The following ITSN1 variants were observed in gnomAD, a reference collection of about 807,000 sequenced individuals.
The protein encoded by ITSN1 is intersectin 1.
In ITSN1, 58 loss-of-function variants were observed where a neutral mutation model predicts 239.8. The ratio of observed to expected loss-of-function variants is 0.24; its 90% CI spans 0.20 to 0.30. ITSN1 has a LOEUF of 0.30. Ranked by LOEUF, ITSN1 falls within the 10% of genes least tolerant of loss-of-function variation. The probability of loss-of-function intolerance (pLI) is 1.00; values close to 1 mark genes in which losing one functional copy is unlikely to be tolerated. For missense variants in ITSN1, 1,558 were observed against 2,103.3 expected, an observed-to-expected ratio of 0.74 and a Z score of 5.07; for synonymous variants, 780 against 770.8, an observed-to-expected ratio of 1.01 and a Z score of -0.20.
intron 5 of ITSN1, among the ~76,000 whole-genome samples, chr21:33,742,045 C>T (rs1371601873): frequency 6.6e-6 from 1 of 151,402 alleles, no homozygotes; most frequent in Non-Finnish European, 1.5e-5. Flanking sequence ...TTCAACAACA[C>T]TATTTTTAAA....
chr21:33,682,462 G>A (rs977655144), intron 1 of ITSN1, among the ~76,000 whole-genome samples: 2 of 150,756 alleles, frequency 1.3e-5, no homozygotes, highest in African/African-American at 2.5e-5. Flanking sequence ...TGATCCACCC[G>A]CCTCGGCCTC....
chr21:33,885,928 CGG>C (rs1985718619), intron 38 of ITSN1, among the ~76,000 whole-genome samples: 1 of 151,830 alleles, frequency 6.6e-6, no homozygotes, highest in East Asian at 1.9e-4. Context: ...GGGGAGCGGC[CGG>C]GCATGGTGGC....
chr21:33,825,229 A>G (rs1464480986), intron 25 of ITSN1, among the ~76,000 whole-genome samples: 1 of 152,206 alleles, frequency 6.6e-6, no homozygotes, highest in Non-Finnish European at 1.5e-5. Context: ...GTGGAGTTGT[A>G]AGGTACTTTC....
At chr21:33,884,755 C>T (rs1261705682) in intron 36 of ITSN1, among the ~76,000 whole-genome samples, 1 of 152,180 alleles carries the variant, frequency 6.6e-6, no homozygotes, top group African/African-American at 2.4e-5. Context: ...GAAGAGGAGT[C>T]GTGTCCCGAT....
chr21:33,875,290 C>A, intron 33 of ITSN1, 64 bp from the exon 34 acceptor site: 1 of 1,583,000 alleles, frequency 6.3e-7, no homozygotes, highest in Non-Finnish European at 8.7e-7. Flanking sequence ...TCCTGCAGGA[C>A]CCTGGATCAC....
intron 14 of ITSN1, among the ~76,000 whole-genome samples, chr21:33,780,487 TAGG>T: frequency 6.6e-6 from 1 of 152,204 alleles, no homozygotes; most frequent in Non-Finnish European, 1.5e-5. Flanking sequence ...GGATTATTCA[TAGG>T]AGAAGATGCT....
intron 24 of ITSN1, among the ~76,000 whole-genome samples, chr21:33,821,939 TG>T (rs1455280721): frequency 6.6e-6 from 1 of 152,176 alleles, no homozygotes; most frequent in Non-Finnish European, 1.5e-5. Context: ...AGTCTGTTAA[TG>T]AAGAAAGAAT....
chr21:33,775,596 T>C (rs1490360934), intron 14 of ITSN1, among the ~76,000 whole-genome samples: 1 of 152,174 alleles, frequency 6.6e-6, no homozygotes, highest in African/African-American at 2.4e-5. Flanking sequence ...TGTGGGTATC[T>C]GGCAGAGCAA....
intron 29 of ITSN1, among the ~76,000 whole-genome samples, chr21:33,839,993 A>G (rs1282856646): frequency 6.6e-6 from 1 of 152,140 alleles, no homozygotes; most frequent in Non-Finnish European, 1.5e-5. Context: ...GTCTCACCCC[A>G]CTGGCCACTG....
intron 29 of ITSN1, among the ~76,000 whole-genome samples, chr21:33,852,254 A>G (rs73352174): frequency 1.3e-5 from 2 of 152,084 alleles, no homozygotes; most frequent in African/African-American, 4.8e-5. Flanking sequence ...GGCCCCTTTC[A>G]TACAGGAACA....
intron 29 of ITSN1, among the ~76,000 whole-genome samples, chr21:33,847,740 G>A (rs968728505): frequency 2.0e-5 from 3 of 152,152 alleles, no homozygotes; most frequent in Non-Finnish European, 4.4e-5. Context: ...GACCTGCCAT[G>A]GGCTGGATTC....
intron 5 of ITSN1, among the ~76,000 whole-genome samples, chr21:33,743,502 G>T (rs960861399): frequency 2.7e-5 from 4 of 150,606 alleles, no homozygotes; most frequent in Non-Finnish European, 5.9e-5. Flanking sequence ...GATATAAAAA[G>T]AATTTGAGAA....
At chr21:33,668,550 T>C (rs1469610370) in intron 1 of ITSN1, among the ~76,000 whole-genome samples, 1 of 152,170 alleles carries the variant, frequency 6.6e-6, no homozygotes, top group African/African-American at 2.4e-5. Context: ...CGACCTTTGC[T>C]GGGGTAAAGT....
intron 28 of ITSN1, among the ~76,000 whole-genome samples, chr21:33,834,839 A>T (rs1014485212): frequency 6.6e-6 from 1 of 152,140 alleles, no homozygotes; most frequent in African/African-American, 2.4e-5. Context: ...TTGGGGGGCT[A>T]TAATGTGGTG....
intron 22 of ITSN1, chr21:33,817,280 G>A (rs1014494597): frequency 2.3e-6 from 3 of 1,304,268 alleles, no homozygotes; most frequent in South Asian, 1.2e-5. Context: ...ATGCAGCCCC[G>A]GATTGTGCTT....
chr21:33,829,787 T>G (rs898896076), intron 27 of ITSN1, 42 bp downstream of exon 27: 9 of 1,609,098 alleles, frequency 5.6e-6, no homozygotes, highest in Non-Finnish European at 6.8e-6. Context: ...CCATCCAAGT[T>G]TCAATACACA....
chr21:33,738,854 G>A (rs2066667324), intron 5 of ITSN1, among the ~76,000 whole-genome samples: 1 of 152,128 alleles, frequency 6.6e-6, no homozygotes, highest in Non-Finnish European at 1.5e-5. Context: ...GAGTGCAATG[G>A]CACGATCATA....
intron 14 of ITSN1, among the ~76,000 whole-genome samples, chr21:33,777,897 A>C (rs1427680866): frequency 2.6e-5 from 4 of 152,208 alleles, no homozygotes; most frequent in Admixed American, 6.5e-5. Flanking sequence ...CTCTCTCACC[A>C]TAGAGTATAG....
intron 4 of ITSN1, among the ~76,000 whole-genome samples, chr21:33,727,557 T>C (rs2065899815): frequency 6.7e-6 from 1 of 149,548 alleles, no homozygotes; most frequent in Non-Finnish European, 1.5e-5. Flanking sequence ...CTCCTGAGTA[T>C]GTGTCAGAAG....
Sources: allele counts gnomAD v4.1 joint callset (sites outside exome capture counted in the v4.1 genomes callset), GRCh38; gene constraint gnomAD v4.1.1; transcripts MANE v1.5; gene names NCBI Gene and HGNC (gene_info 2026-07-23, HGNC 2026-07-21).